DISC1: variants seen among roughly 807,000 people sequenced by gnomAD.
The protein encoded by DISC1 is disrupted in schizophrenia 1 protein.
In DISC1, 57 loss-of-function variants were observed where a neutral mutation model predicts 84.5. The observed-to-expected ratio is 0.67, with a 90% CI of 0.55 to 0.84. The LOEUF is 0.84. DISC1 is among the 40% of genes least tolerant of loss of function. DISC1 has a pLI of 0.00. For synonymous variants in DISC1, 411 were observed against 415.2 expected (o/e 0.99, Z 0.12); for missense variants, 1,000 against 1,057.8 (o/e 0.95, Z 0.76).
chr1:231,626,975 G>T, intron 1 of DISC1, 41 bp downstream of exon 1: 4 of 1,397,940 alleles, frequency 2.9e-6, no homozygotes, highest in South Asian at 2.8e-5. Flanking sequence ...TCCTGGGGGG[G>T]TCCTGGCAAG....
intron 9 of DISC1, among the ~76,000 whole-genome samples, chr1:231,859,324 G>C (rs555850890): frequency 6.6e-6 from 1 of 152,296 alleles, no homozygotes; most frequent in Admixed American, 6.5e-5. Flanking sequence ...ATAAATAACA[G>C]AAATGTATCT....
At chr1:231,667,379 G>A (rs949088089) in intron 1 of DISC1, among the ~76,000 whole-genome samples, 1 of 152,142 alleles carries the variant, frequency 6.6e-6, no homozygotes, top group Admixed American at 6.5e-5. Flanking sequence ...GACCTTTCCT[G>A]AGCCCTCCTG....
intron 9 of DISC1, among the ~76,000 whole-genome samples, chr1:231,933,343 C>T (rs2090785859): frequency 6.6e-6 from 1 of 152,152 alleles, no homozygotes; most frequent in Non-Finnish European, 1.5e-5. Context: ...GTAAGAGGAG[C>T]TTTGGGTTTT....
intron 9 of DISC1, among the ~76,000 whole-genome samples, chr1:231,874,916 C>CAAA (rs747303966): frequency 1.3e-3 from 68 of 54,382 alleles, no homozygotes; most frequent in African/African-American, 3.9e-3. Flanking sequence ...GACTCCGTCT[C>CAAA]AAAAAAAAAA....
chr1:231,644,371 A>G (rs556197813), intron 1 of DISC1, among the ~76,000 whole-genome samples: 10 of 152,330 alleles, frequency 6.6e-5, no homozygotes, highest in South Asian at 6.2e-4. Flanking sequence ...TGCTAGGGCT[A>G]GCAGCCGGAA....
At chr1:231,678,589 A>G (rs1443397610) in intron 1 of DISC1, among the ~76,000 whole-genome samples, 2 of 152,222 alleles carry the variant, frequency 1.3e-5, no homozygotes, top group Admixed American at 6.5e-5. Context: ...CACTTGGGCA[A>G]GTCAAAGAGG....
At chr1:231,845,614 G>A (rs201119716) in intron 9 of DISC1, among the ~76,000 whole-genome samples, 1 of 152,174 alleles carries the variant, frequency 6.6e-6, no homozygotes, top group African/African-American at 2.4e-5. Flanking sequence ...CAGCGAGCAC[G>A]CCAGGCTGGG....
At chr1:231,696,612 G>T (rs1404645862) in intron 2 of DISC1, among the ~76,000 whole-genome samples, 1 of 152,166 alleles carries the variant, frequency 6.6e-6, no homozygotes, top group Non-Finnish European at 1.5e-5. Flanking sequence ...GGCCAATGAC[G>T]GATCACATAT....
chr1:231,989,368 A>G (rs948822903), intron 10 of DISC1, among the ~76,000 whole-genome samples: 46 of 152,200 alleles, frequency 3.0e-4, no homozygotes, highest in African/African-American at 1.1e-3. Flanking sequence ...CATAAAGATA[A>G]CGCAATGCAG....
chr1:231,976,654 G>T (rs890034246), intron 10 of DISC1, among the ~76,000 whole-genome samples: 1 of 152,100 alleles, frequency 6.6e-6, no homozygotes, highest in Admixed American at 6.5e-5. Context: ...CCCCGTATTG[G>T]GCTTAACTCC....
chr1:231,664,904 A>T (rs1377745204), intron 1 of DISC1, among the ~76,000 whole-genome samples: 6 of 116,214 alleles, frequency 5.2e-5, no homozygotes, highest in African/African-American at 2.5e-4. Context: ...CTAGAAATAT[A>T]AAAAAAAAAT....
chr1:231,846,997 C>A lies in DISC1; in HGVS notation c.1981+28480C>A, dbSNP rs1357740536. Among the ~76,000 whole-genome samples the A allele has an allele frequency of 2.0e-5, 3 of 152,206 alleles. No homozygotes were observed. In the South Asian group the frequency reaches 6.2e-4, roughly 31 times the overall value. On this transcript the variant is annotated intron_variant, in intron 9 of 12. Coordinates refer to ENST00000439617, the MANE Select transcript of DISC1 (RefSeq NM_018662.3). ...AGTACAGGAGAATTTGCTGTTTTCT[C>A]TGTTATTATAAAGATCATTGTTCTT...
At chr1:231,909,050 T>A (rs563988752) in intron 9 of DISC1, among the ~76,000 whole-genome samples, 1 of 152,346 alleles carries the variant, frequency 6.6e-6, no homozygotes, top group East Asian at 1.9e-4. Context: ...AAGTTGCTTA[T>A]CAGCTTAAGC....
At chr1:232,022,527 C>T (rs1015593843) in intron 11 of DISC1, among the ~76,000 whole-genome samples, 4 of 151,954 alleles carry the variant, frequency 2.6e-5, no homozygotes, top group African/African-American at 7.3e-5. Flanking sequence ...AGGATGGTCT[C>T]GATCTCTTGA....
intron 11 of DISC1, among the ~76,000 whole-genome samples, chr1:232,019,777 T>A (rs974990110): frequency 6.6e-6 from 1 of 152,124 alleles, no homozygotes; most frequent in Non-Finnish European, 1.5e-5. Flanking sequence ...CCCGCTTGCT[T>A]TTCTCTGCTT....
chr1:231,997,353 C>T (rs150646360), intron 10 of DISC1, among the ~76,000 whole-genome samples: 3 of 152,216 alleles, frequency 2.0e-5, no homozygotes, highest in African/African-American at 4.8e-5. Flanking sequence ...AATCCAGCCT[C>T]GCTCACACCG....
intron 6 of DISC1, among the ~76,000 whole-genome samples, chr1:231,782,229 C>G (rs945731002): frequency 6.6e-6 from 1 of 152,202 alleles, no homozygotes; most frequent in African/African-American, 2.4e-5. Flanking sequence ...TATGCAATTT[C>G]TCCTTTAGTC....
intron 10 of DISC1, chr1:231,959,562 G>A (rs1398108490): frequency 1.1e-6 from 1 of 928,840 alleles, no homozygotes; most frequent in African/African-American, 1.8e-5. Flanking sequence ...TTTGGAATTT[G>A]TTAAGTAACT....
chr1:231,824,207 C>T (rs947367762), intron 9 of DISC1, among the ~76,000 whole-genome samples: 3 of 152,080 alleles, frequency 2.0e-5, no homozygotes, highest in African/African-American at 4.8e-5. Flanking sequence ...AGGGCCAAGC[C>T]GTCTGCTTTG....
Sources: allele counts gnomAD v4.1 joint callset (sites outside exome capture counted in the v4.1 genomes callset), GRCh38; gene constraint gnomAD v4.1.1; transcripts MANE v1.5; gene names NCBI Gene and HGNC (gene_info 2026-07-23, HGNC 2026-07-21).